Variants in SLC44A1 observed in about 807,000 individuals in gnomAD.
The protein encoded by SLC44A1 is solute carrier family 44 member 1, also known as choline transporter-like protein 1.
A neutral mutation model predicts 79.3 loss-of-function variants in SLC44A1; 26 were observed. The ratio of observed to expected loss-of-function variants is 0.33; its 90% confidence interval spans 0.24 to 0.46. The LOEUF (loss-of-function observed/expected upper bound fraction) is 0.46, where lower values mean the gene tolerates loss of function less well. SLC44A1 is among the 20% of genes least tolerant of loss of function. SLC44A1 has a pLI of 1.00. For synonymous variants in SLC44A1, 263 were observed against 286.2 expected (o/e 0.92, Z 0.82); for missense variants, 688 against 798.1 (o/e 0.86, Z 1.66).
At chr9:105,250,899 C>T (rs1829568858) in intron 1 of SLC44A1, among the ~76,000 whole-genome samples, 1 of 152,094 alleles carries the variant, frequency 6.6e-6, no homozygotes, top group Admixed American at 6.5e-5. Context: ...ATAAGTGCTT[C>T]TTGCAGAGCA....
At chr9:105,376,653 C>T (rs1174863983) in intron 13 of SLC44A1, among the ~76,000 whole-genome samples, 3 of 152,246 alleles carry the variant, frequency 2.0e-5, no homozygotes, top group East Asian at 3.9e-4. Context: ...GGATTACAGG[C>T]ATGAGCCACT....
In SLC44A1 at chr9:105,305,843, C is replaced by CTTT. The variant is rs748755778; in HGVS notation, c.127-3859_127-3857dup. Among the ~76,000 whole-genome samples, 362 of 84,620 alleles carry CTTT rather than the reference C, an allele frequency of 4.3e-3. 1 individual carries two copies. Among genetic ancestry groups the CTTT allele is most frequent in the African/African-American group, 9.7e-3 (146 of 15,120 alleles). The allele number at this position is 84,620 out of a possible 152,430, so 55.5% of individuals were successfully genotyped here. A position where few individuals can be genotyped will look rare whatever the true frequency, so the allele number is the denominator to read the frequency against. On this transcript the variant is annotated intron_variant, in intron 2 of 15. Coordinates refer to ENST00000374720, the MANE Select transcript of SLC44A1 (RefSeq NM_080546.5). ...CATGCTTGTGAAATAAAAGTGTGTCCTTTTTTTTTTTTTTTTTTTTTTTTA... is the reference window on the plus strand; with the variant it reads ...CATGCTTGTGAAATAAAAGTGTGTCCTTTTTTTTTTTTTTTTTTTTTTTTTTTA...
At chr9:105,358,166 T>G (rs950730286) in intron 6 of SLC44A1, among the ~76,000 whole-genome samples, 178 bp from the exon 7 acceptor site, 2 of 152,218 alleles carry the variant, frequency 1.3e-5, no homozygotes, top group Non-Finnish European at 2.9e-5. Context: ...TGATGCTATT[T>G]AAGTGGTACA....
At chr9:105,400,219 G>A (rs988630492), downstream of SLC44A1, among the ~76,000 whole-genome samples, 12 of 148,438 alleles carry the variant, frequency 8.1e-5, no homozygotes, top group East Asian at 4.1e-4. Flanking sequence ...GGCTGGGCGC[G>A]GTGGCTCATG....
chr9:105,307,906 G>A (rs1269961241), intron 2 of SLC44A1, among the ~76,000 whole-genome samples: 1 of 152,180 alleles, frequency 6.6e-6, no homozygotes, highest in Non-Finnish European at 1.5e-5. Flanking sequence ...CAGGAGAGGG[G>A]GAGAGGGGCA....
At chr9:105,364,789 G>C in intron 10 of SLC44A1, 69 bp downstream of exon 10, 1 of 1,288,562 alleles carries the variant, frequency 7.8e-7, no homozygotes, top group Non-Finnish European at 1.1e-6. Context: ...TGGAGGGGAA[G>C]GGAATCAGAC....
At chr9:105,350,272 A>G (rs550817546) in intron 5 of SLC44A1, among the ~76,000 whole-genome samples, 1 of 152,348 alleles carries the variant, frequency 6.6e-6, no homozygotes, top group East Asian at 1.9e-4. Context: ...TTTGATAGAA[A>G]GAAGGCAAAT....
At chr9:105,346,348 C>G (rs1451549562) in intron 4 of SLC44A1, among the ~76,000 whole-genome samples, 1 of 152,094 alleles carries the variant, frequency 6.6e-6, no homozygotes, top group African/African-American at 2.4e-5. Context: ...CTGCTGACCT[C>G]CTTTTTTAAA....
intron 1 of SLC44A1, among the ~76,000 whole-genome samples, chr9:105,297,445 G>A (rs1025195712): frequency 2.6e-5 from 4 of 152,034 alleles, no homozygotes; most frequent in East Asian, 1.9e-4. Flanking sequence ...GTGCAATGGC[G>A]CGATTTTGGC....
chr9:105,318,271 C>A (rs1352598044), intron 3 of SLC44A1, among the ~76,000 whole-genome samples: 2 of 152,174 alleles, frequency 1.3e-5, no homozygotes, highest in African/African-American at 4.8e-5. Context: ...ACCTCCGCCT[C>A]CCGAGTTCAA....
intron 15 of SLC44A1, among the ~76,000 whole-genome samples, chr9:105,388,555 T>C (rs1338923020): frequency 6.6e-6 from 1 of 152,256 alleles, no homozygotes; most frequent in Admixed American, 6.5e-5. Context: ...TATTTTCCTT[T>C]TGACAGCAGA....
At chr9:105,337,703 C>T (rs1197317129) in intron 4 of SLC44A1, among the ~76,000 whole-genome samples, 1 of 152,156 alleles carries the variant, frequency 6.6e-6, no homozygotes, top group Non-Finnish European at 1.5e-5. Flanking sequence ...TCAAAAAACC[C>T]ACTGGATGTG....
chr9:105,388,446 G>T (rs1323233221), intron 15 of SLC44A1, among the ~76,000 whole-genome samples: 1 of 152,116 alleles, frequency 6.6e-6, no homozygotes, highest in African/African-American at 2.4e-5. Context: ...AAACATTGCT[G>T]CTGTTTGAAT....
At chr9:105,426,010 TAGAA>T (rs1277651288) in intron 15 of SLC44A1, among the ~76,000 whole-genome samples, 2 of 152,206 alleles carry the variant, frequency 1.3e-5, no homozygotes, top group Non-Finnish European at 2.9e-5. Flanking sequence ...ATTTATATCT[TAGAA>T]AGCTTACTCT....
intron 10 of SLC44A1, 32 bp downstream of exon 10, chr9:105,364,752 TTCA>T (rs1163739137): frequency 1.3e-6 from 2 of 1,575,740 alleles, no homozygotes; most frequent in South Asian, 2.3e-5. Context: ...AAAACTCGAG[TTCA>T]TCTAAGGGAT....
intron 15 of SLC44A1, among the ~76,000 whole-genome samples, chr9:105,418,812 AT>A (rs1250700083): frequency 6.6e-6 from 1 of 152,202 alleles, no homozygotes; most frequent in Non-Finnish European, 1.5e-5. Flanking sequence ...TGACTTTCTT[AT>A]TAGCAGATAT....
At chr9:105,363,809 T>C (rs1361686940) in intron 9 of SLC44A1, among the ~76,000 whole-genome samples, 1 of 152,216 alleles carries the variant, frequency 6.6e-6, no homozygotes, top group African/African-American at 2.4e-5. Context: ...TAAGTCTAGA[T>C]CAGGGAAGGC....
chr9:105,333,629 G>A (rs997130274), intron 3 of SLC44A1, among the ~76,000 whole-genome samples: 2 of 152,134 alleles, frequency 1.3e-5, no homozygotes, highest in African/African-American at 2.4e-5. Context: ...GGCCAACATG[G>A]TGAAACCCCG....
intron 3 of SLC44A1, among the ~76,000 whole-genome samples, chr9:105,319,133 G>A (rs537475890): frequency 1.4e-4 from 21 of 152,184 alleles, no homozygotes; most frequent in South Asian, 4.2e-4. Context: ...AGAGTTGAGG[G>A]CATCTAAGAA....
Sources: gnomAD v4.1 joint callset for allele counts (sites outside exome capture counted in the v4.1 genomes callset) on GRCh38, gnomAD v4.1.1 for gene constraint, MANE v1.5 for transcripts, NCBI Gene and HGNC (gene_info 2026-07-23, HGNC 2026-07-21) for gene names.